OR4X2: variants seen among roughly 807,000 people sequenced by gnomAD.
OR4X2 encodes olfactory receptor family 4 subfamily X member 2.
For missense variants in OR4X2, 554 were observed against 359.5 expected, an observed-to-expected ratio of 1.54 and a Z score of -4.38; for synonymous variants, 205 against 136.6, an observed-to-expected ratio of 1.50 and a Z score of -3.49.
rs1464986137 is a variant in OR4X2 at position 48,245,934 on chromosome 11, C to A, written c.831C>A (p.Val277=). 2 of 1,613,926 alleles carry A rather than the reference C, an allele frequency of 1.2e-6. No individual in the cohort carries two copies. Among genetic ancestry groups the A allele is most frequent in the African/African-American group, 2.7e-5 (2 of 74,916 alleles). The change falls in exon 1 of 1, where the codon GTC becomes GTA. Residue 277 remains valine (V), a synonymous_variant. Transcript: ENST00000624868. The stretch of plus-strand genomic sequence containing the variant: ...TGATAACCGCGATCCTGAACCCTGT[C>A]ATCTACTCTCTGAGAAATGCTGAAA... The part of the protein sequence containing the change: ...YTVITAILNP[V]IYSLRNAEMR...
Position 48,245,458 on chromosome 11 carries a change from T to A in OR4X2, c.355T>A (p.Cys119Ser). 1.9e-6 allele frequency: 3 copies of A among 1,614,174 alleles called. No individual in the cohort carries two copies. Among genetic ancestry groups the A allele is most frequent in the Non-Finnish European group, 1.7e-6 (2 of 1,180,024 alleles). The part of the protein sequence containing the change: ...VMAYDHYVAI[C>S]KPLSYTTIMN... ...GGCCTATGACCACTATGTGGCCATC[T>A]GCAAGCCCCTCAGCTACACCACCAT... The change falls in exon 1 of 1, where the codon TGC (cysteine) becomes AGC (serine). Residue 119 changes from cysteine (C) to serine (S), a missense_variant. Coordinates refer to ENST00000624868, the MANE Select transcript of OR4X2 (RefSeq NM_001004727.1).
Position 48,245,839 on chromosome 11 carries a change from T to A in OR4X2, c.736T>A (p.Cys246Ser). 6.2e-7 allele frequency: 1 copy of A among 1,614,014 alleles called. No homozygotes were observed. The highest frequency in any genetic ancestry group is 1.1e-5 in the South Asian group (1 of 91,074). Residue 246 changes from cysteine (C) to serine (S), a missense_variant, in exon 1 of 1, where the codon TGC becomes AGC. Transcript: ENST00000624868. ...FAVVILFFGP[C>S]VFNSLRPSTT... ...TGTGGTTATCTTGTTCTTTGGGCCC[T>A]GCGTCTTCAACTCTCTGAGGCCTTC...
Position 48,245,464 on chromosome 11 carries a change from C to G in OR4X2, c.361C>G (p.Pro121Ala), listed in dbSNP as rs1331995923. The change falls in exon 1 of 1, where the codon CCC becomes GCC. Residue 121 changes from proline (P) to alanine (A), a missense_variant. Coordinates refer to ENST00000624868, the MANE Select transcript of OR4X2 (RefSeq NM_001004727.1). Reference protein sequence around the residue: ...AYDHYVAICKPLSYTTIMNWQ... With the variant: ...AYDHYVAICKALSYTTIMNWQ... ...TGACCACTATGTGGCCATCTGCAAG[C>G]CCCTCAGCTACACCACCATCATGAA... 7 of 1,614,162 alleles carry G rather than the reference C, an allele frequency of 4.3e-6. No homozygotes were observed. Among genetic ancestry groups the G allele is most frequent in the Non-Finnish European group, 5.1e-6 (6 of 1,180,034 alleles).
In OR4X2 at chr11:48,245,886, G is replaced by A; in HGVS notation, c.783G>A (p.Lys261=). ...CTTCTACCACTCTGCCCATAGACAA[G>A]ATGGTGGCTGTGTTCTACACAGTGA... is the stretch of plus-strand genomic sequence containing the variant. The part of the protein sequence containing the change: ...LRPSTTLPID[K]MVAVFYTVIT... The change falls in exon 1 of 1, where the codon AAG becomes AAA. Residue 261 remains lysine, a synonymous_variant. Transcript: ENST00000624868. 5 of 1,614,128 alleles carry A rather than the reference G, an allele frequency of 3.1e-6. No homozygotes were observed. The highest frequency in any genetic ancestry group is 4.2e-6 in the Non-Finnish European group (5 of 1,180,022).
In OR4X2 at chr11:48,245,725, G is replaced by A; in HGVS notation, c.622G>A (p.Ala208Thr). ...TGTGATCAGTTTTGGGGTCCTCTTAGCATCCTATATGGTCATCTTGCTCCA... is the reference window on the plus strand; with the variant it reads ...TGTGATCAGTTTTGGGGTCCTCTTAACATCCTATATGGTCATCTTGCTCCA... Reference protein sequence around the residue: ...LSVISFGVLLASYMVILLHLR... With the variant: ...LSVISFGVLLTSYMVILLHLR... The change falls in exon 1 of 1, where the codon GCA becomes ACA. Residue 208 changes from alanine (A) to threonine (T), a missense_variant. Physicochemically the swap from Ala to Thr is moderately conservative, Grantham distance 58 (BLOSUM62 0). Transcript: ENST00000624868. 1.2e-6 allele frequency: 2 copies of A among 1,614,118 alleles called. No individual in the cohort carries two copies. The highest frequency in any genetic ancestry group is 1.7e-6 in the Non-Finnish European group (2 of 1,180,032).
rs770585786 is a variant in OR4X2 at position 48,245,275 on chromosome 11, C to T, written c.172C>T (p.Leu58Phe). The T allele has an allele frequency of 4.3e-6, 7 of 1,614,158 alleles. No individual in the cohort carries two copies. In the Admixed American group the frequency reaches 6.7e-5, roughly 15 times the overall value. The change falls in exon 1 of 1, where the codon CTC (leucine) becomes TTC (phenylalanine). Residue 58 changes from leucine to phenylalanine, a missense_variant. Leu to Phe is a conservative substitution (Grantham distance 22). Coordinates refer to ENST00000624868, the MANE Select transcript of OR4X2 (RefSeq NM_001004727.1). ...GSPMYFFLSY[L>F]SFMEICYSSA... The stretch of plus-strand genomic sequence containing the variant: ...CCCCATGTACTTCTTCCTCAGCTAC[C>T]TCTCCTTCATGGAGATCTGCTACTC...
chr11:48,245,537 T>C lies in OR4X2; in HGVS notation c.434T>C (p.Phe145Ser). The C allele has an allele frequency of 6.2e-7, 1 of 1,614,104 alleles. No homozygotes were observed. ...VLVGIAWVGG[F>S]MHSFAQILLI... The stretch of plus-strand genomic sequence containing the variant: ...GTAGGAATAGCATGGGTGGGAGGCT[T>C]CATGCATTCCTTTGCACAAATCCTT... Residue 145 changes from phenylalanine to serine, a missense_variant, in exon 1 of 1, where the codon TTC becomes TCC. Phe to Ser is a radical substitution (Grantham distance 155). Transcript: ENST00000624868.
At position 48,245,805 on chromosome 11, in the gene OR4X2, C is replaced by T. The variant is rs1457438016; in HGVS notation, c.702C>T (p.Ser234=). 2 of 1,614,066 alleles carry T rather than the reference C, an allele frequency of 1.2e-6. No individual in the cohort carries two copies. The highest frequency in any genetic ancestry group is 1.3e-5 in the African/African-American group (1 of 75,026). ...GCAAAGCCCTCTCCACCTGTGGGTCCCATTTCGCTGTGGTTATCTTGTTCT... is the reference window on the plus strand; with the variant it reads ...GCAAAGCCCTCTCCACCTGTGGGTCTCATTTCGCTGTGGTTATCTTGTTCT... ...GWCKALSTCG[S]HFAVVILFFG... Residue 234 remains serine, a synonymous_variant, in exon 1 of 1, where the codon TCC becomes TCT. Transcript: ENST00000624868.
chr11:48,245,202 G>A lies in OR4X2; in HGVS notation c.99G>A (p.Gly33=), dbSNP rs1279445516. Residue 33 remains glycine (G), a synonymous_variant, in exon 1 of 1, where the codon GGG becomes GGA. Coordinates refer to ENST00000624868, the MANE Select transcript of OR4X2 (RefSeq NM_001004727.1). The part of the protein sequence containing the change: ...FLFLYTAIVL[G]NFLIVLTVMT... ...TCTTGTACACAGCAATTGTGCTGGG[G>A]AATTTCCTCATTGTGCTCACTGTCA... is the stretch of plus-strand genomic sequence containing the variant. 9 of 1,614,126 alleles carry A rather than the reference G, an allele frequency of 5.6e-6. No homozygotes were observed. Among genetic ancestry groups the A allele is most frequent in the Middle Eastern group, 1.7e-4 (1 of 6,060 alleles).
In OR4X2 at chr11:48,245,351, T is replaced by A. The variant is rs1294942286; in HGVS notation, c.248T>A (p.Val83Asp). 6.2e-7 allele frequency: 1 copy of A among 1,614,094 alleles called. No individual in the cohort carries two copies. Among genetic ancestry groups the A allele is most frequent in the Admixed American group, 1.7e-5 (1 of 60,004 alleles). Residue 83 changes from valine (V) to aspartate (D), a missense_variant, in exon 1 of 1, where the codon GTC (valine) becomes GAC (aspartate). Transcript: ENST00000624868. The stretch of plus-strand genomic sequence containing the variant: ...TCAGATCTGCTGGCTGAAAGGAAAG[T>A]CATATCTTGGTGGGGCTGCATGGCA... ...LISDLLAERK[V>D]ISWWGCMAQL...
At position 48,245,645 on chromosome 11, in the gene OR4X2, G is replaced by C; in HGVS notation, c.542G>C (p.Cys181Ser). The change falls in exon 1 of 1, where the codon TGC becomes TCC. Residue 181 changes from cysteine to serine, a missense_variant. Transcript: ENST00000624868. ...CTAGTTCCCCTTCTCAAACTTGCCTGCTCTGACACCTTCCTCATTGGTCTG... is the reference window on the plus strand; with the variant it reads ...CTAGTTCCCCTTCTCAAACTTGCCTCCTCTGACACCTTCCTCATTGGTCTG... ...CDLVPLLKLACSDTFLIGLLI... is the reference protein window; with the variant it reads ...CDLVPLLKLASSDTFLIGLLI... 1.9e-6 allele frequency: 3 copies of C among 1,614,116 alleles called. No homozygotes were observed. Among genetic ancestry groups the C allele is most frequent in the Non-Finnish European group, 2.5e-6 (3 of 1,180,018 alleles).
At position 48,245,527 on chromosome 11, in the gene OR4X2, G is replaced by T. The variant is rs202052916; in HGVS notation, c.424G>T (p.Val142Leu). The T allele has an allele frequency of 5.0e-6, 8 of 1,614,118 alleles. No homozygotes were observed. The highest frequency in any genetic ancestry group is 1.7e-5 in the Admixed American group (1 of 60,018). ...TACTGTCCTTGTAGGAATAGCATGG[G>T]TGGGAGGCTTCATGCATTCCTTTGC... ...VCTVLVGIAW[V>L]GGFMHSFAQI... Residue 142 changes from valine to leucine, a missense_variant, in exon 1 of 1, where the codon GTG becomes TTG. By Grantham distance (32) the Val-to-Leu change is conservative. Coordinates refer to ENST00000624868, the MANE Select transcript of OR4X2 (RefSeq NM_001004727.1).
rs749304163 is a variant in OR4X2, at chr11:48,245,829, C to A, written c.726C>A (p.Phe242Leu). The A allele has an allele frequency of 1.5e-5, 25 of 1,613,952 alleles. No homozygotes were observed. Among genetic ancestry groups the A allele is most frequent in the Middle Eastern group, 3.3e-4 (2 of 6,080 alleles). The change falls in exon 1 of 1, where the codon TTC becomes TTA. Residue 242 changes from phenylalanine (F) to leucine (L), a missense_variant. Coordinates refer to ENST00000624868, the MANE Select transcript of OR4X2 (RefSeq NM_001004727.1). Reference protein sequence around the residue: ...CGSHFAVVILFFGPCVFNSLR... With the variant: ...CGSHFAVVILLFGPCVFNSLR... ...CCCATTTCGCTGTGGTTATCTTGTT[C>A]TTTGGGCCCTGCGTCTTCAACTCTC... is the stretch of plus-strand genomic sequence containing the variant.
At position 48,245,404 on chromosome 11, in the gene OR4X2, G is replaced by A. The variant is rs757024969; in HGVS notation, c.301G>A (p.Gly101Ser). Reference protein sequence around the residue: ...AQLFFLHFFGGTEIFLLTVMA... With the variant: ...AQLFFLHFFGSTEIFLLTVMA... ...GCTTTTCTTCTTGCACTTCTTTGGT[G>A]GCACTGAGATTTTCCTGCTCACTGT... is the stretch of plus-strand genomic sequence containing the variant. Residue 101 changes from glycine to serine, a missense_variant, in exon 1 of 1, where the codon GGC becomes AGC. By Grantham distance (56) the Gly-to-Ser change is moderately conservative. Transcript: ENST00000624868. 5.6e-6 allele frequency: 9 copies of A among 1,614,110 alleles called. No homozygotes were observed. The South Asian group carries it at 9.9e-5, about 18-fold the overall frequency.
chr11:48,245,290 A>C lies in OR4X2; in HGVS notation c.187A>C (p.Ile63Leu), dbSNP rs373046741. ...CCTCAGCTACCTCTCCTTCATGGAG[A>C]TCTGCTACTCCTCCGCTACAGCCCC... ...FFLSYLSFME[I>L]CYSSATAPKL... Residue 63 changes from isoleucine (I) to leucine (L), a missense_variant, in exon 1 of 1, where the codon ATC becomes CTC. By Grantham distance (5) the Ile-to-Leu change is conservative (BLOSUM62 2). Transcript: ENST00000624868. 33 of 1,613,818 alleles carry C rather than the reference A, an allele frequency of 2.0e-5. No individual in the cohort carries two copies. Among genetic ancestry groups the C allele is most frequent in the African/African-American group, 6.7e-5 (5 of 74,846 alleles).
chr11:48,245,126 T>C lies in OR4X2; in HGVS notation c.23T>C (p.Val8Ala), dbSNP rs773306219. 1 of 1,613,058 alleles carries C rather than the reference T, an allele frequency of 6.2e-7. No homozygotes were observed. MTEFIFL[V>A]LSPNQEVQRV... ...AACATGACTGAATTCATTTTTCTGG[T>C]ACTTTCTCCCAACCAGGAGGTGCAG... Residue 8 changes from valine (V) to alanine (A), a missense_variant, in exon 1 of 1, where the codon GTA becomes GCA. By Grantham distance (64) the Val-to-Ala change is moderately conservative (BLOSUM62 0). Coordinates refer to ENST00000624868, the MANE Select transcript of OR4X2 (RefSeq NM_001004727.1).
rs1859061224 is a variant in OR4X2 at position 48,245,664 on chromosome 11, T to C, written c.561T>C (p.Ile187=). 6.2e-7 allele frequency: 1 copy of C among 1,614,066 alleles called. No individual in the cohort carries two copies. Among genetic ancestry groups the C allele is most frequent in the Admixed American group, 1.7e-5 (1 of 60,004 alleles). The change falls in exon 1 of 1, where the codon ATT becomes ATC. Residue 187 remains isoleucine, a synonymous_variant. Coordinates refer to ENST00000624868, the MANE Select transcript of OR4X2 (RefSeq NM_001004727.1). The part of the protein sequence containing the change: ...LKLACSDTFL[I]GLLIVANGGT... ...TTGCCTGCTCTGACACCTTCCTCATTGGTCTGCTGATTGTTGCCAATGGAG... is the reference window on the plus strand; with the variant it reads ...TTGCCTGCTCTGACACCTTCCTCATCGGTCTGCTGATTGTTGCCAATGGAG...
Position 48,245,196 on chromosome 11 carries a change from G to A in OR4X2, c.93G>A (p.Val31=), listed in dbSNP as rs769484576. 79 of 1,614,018 alleles carry A rather than the reference G, an allele frequency of 4.9e-5. No individual in the cohort carries two copies. The Admixed American group carries it at 1.2e-3, about 25-fold the overall frequency. Residue 31 remains valine (V), a synonymous_variant, in exon 1 of 1, where the codon GTG becomes GTA. Coordinates refer to ENST00000624868, the MANE Select transcript of OR4X2 (RefSeq NM_001004727.1). ...TTCTGTTCTTGTACACAGCAATTGT[G>A]CTGGGGAATTTCCTCATTGTGCTCA... The part of the protein sequence containing the change: ...VIFLFLYTAI[V]LGNFLIVLTV...
rs1859063267 is a variant in OR4X2 at position 48,245,718 on chromosome 11, C to T, written c.615C>T (p.Val205=). The T allele has an allele frequency of 6.2e-7, 1 of 1,613,994 alleles. No individual in the cohort carries two copies. Among genetic ancestry groups the T allele is most frequent in the Admixed American group, 1.7e-5 (1 of 59,978 alleles). ...GGTLSVISFG[V]LLASYMVILL... is the part of the protein sequence containing the mutation. ...CCCTGTCTGTGATCAGTTTTGGGGT[C>T]CTCTTAGCATCCTATATGGTCATCT... Residue 205 remains valine, a synonymous_variant, in exon 1 of 1, where the codon GTC becomes GTT. Coordinates refer to ENST00000624868, the MANE Select transcript of OR4X2 (RefSeq NM_001004727.1).
Sources: allele counts gnomAD v4.1 joint callset, GRCh38; gene constraint gnomAD v4.1.1; transcripts MANE v1.5; gene names NCBI Gene and HGNC (gene_info 2026-07-23, HGNC 2026-07-21).